Variants in KDM4B observed in about 807,000 individuals in gnomAD.
KDM4B encodes lysine-specific demethylase 4B.
In KDM4B, 32 loss-of-function variants were observed where a neutral mutation model predicts 125.2. That is an observed-to-expected ratio of 0.26 (90% CI 0.19 to 0.34). KDM4B has a LOEUF of 0.34. Among genes scored for constraint, KDM4B ranks in the 10% least tolerant of loss-of-function variants. The pLI, the probability that KDM4B is intolerant of heterozygous loss-of-function variation, is 1.00. For missense variants in KDM4B, 1,190 were observed against 1,577.7 expected (o/e 0.75, Z 4.16); for synonymous variants, 721 against 677.9 (o/e 1.06, Z -0.99).
chr19:5,142,464 T>A lies in KDM4B; in HGVS notation c.2551-1503T>A, dbSNP rs993172232. Among the ~76,000 whole-genome samples the A allele has an allele frequency of 1.3e-5, 2 of 152,176 alleles. No individual in the cohort carries two copies. Among genetic ancestry groups the A allele is most frequent in the Admixed American group, 6.5e-5 (1 of 15,282 alleles). On this transcript the variant is annotated intron_variant, in intron 18 of 22. Coordinates refer to ENST00000159111, the MANE Select transcript of KDM4B (RefSeq NM_015015.3). This position sits in a 1 kb window ranked among gnomAD's most constrained non-coding sequence, Gnocchi z 5.4. ...TCCCATGGGTCCGGGGGCACGCTTT[T>A]CACAACGTGGAGATGCAGGGTCATG...
At chr19:5,131,679 G>T in intron 12 of KDM4B, 134 bp downstream of exon 12, 1 of 671,886 alleles carries the variant, frequency 1.5e-6, no homozygotes, top group African/African-American at 1.9e-5. Context: ...GCTGACTGCT[G>T]GTTTCACAGG....
intron 10 of KDM4B, chr19:5,119,367 G>A (rs374447688): frequency 1.8e-5 from 12 of 662,978 alleles, no homozygotes; most frequent in African/African-American, 3.6e-5. Context: ...GGTGTCAGTC[G>A]GCTTCCCATC....
chr19:4,992,060 C>G (rs2035047572), intron 1 of KDM4B, among the ~76,000 whole-genome samples: 1 of 152,104 alleles, frequency 6.6e-6, no homozygotes, highest in African/African-American at 2.4e-5. Flanking sequence ...AGATGGAGGA[C>G]AAGATCCAAG....
In KDM4B at chr19:5,082,533, C is replaced by G; in HGVS notation, c.918+29C>G. 1 of 1,555,082 alleles carries G rather than the reference C, an allele frequency of 6.4e-7. No individual in the cohort carries two copies. The highest frequency in any genetic ancestry group is 8.7e-7 in the Non-Finnish European group (1 of 1,153,434). On this transcript the variant is annotated intron_variant, in intron 9 of 22. Transcript: ENST00000159111. The surrounding 1 kb of genome is among the most constrained non-coding windows in gnomAD (Gnocchi z 5.4). ...AAAGCTTGCCTGCTGGGAACGGGTCCCAGCAGGGCGGGAGGAGGCTCTTTT... is the reference window on the plus strand; with the variant it reads ...AAAGCTTGCCTGCTGGGAACGGGTCGCAGCAGGGCGGGAGGAGGCTCTTTT...
intron 11 of KDM4B, among the ~76,000 whole-genome samples, chr19:5,122,369 A>T (rs887505458): frequency 6.6e-6 from 1 of 151,996 alleles, no homozygotes; most frequent in African/African-American, 2.4e-5. Flanking sequence ...ACTGAGTCCC[A>T]CCTGAATATT....
intron 1 of KDM4B, among the ~76,000 whole-genome samples, chr19:4,981,105 C>T (rs1369568891): frequency 3.3e-5 from 5 of 152,148 alleles, no homozygotes; most frequent in Admixed American, 2.6e-4. Context: ...CCTCTTCTCT[C>T]AGCCTGAGCT....
rs746564223 is a variant in KDM4B, at chr19:5,047,465, C to T, written c.433-11C>T. 6 of 1,590,508 alleles carry T rather than the reference C, an allele frequency of 3.8e-6. No homozygotes were observed. The African/African-American group carries it at 8.1e-5, about 21-fold the overall frequency. On this transcript the variant is annotated splice_polypyrimidine_tract_variant and intron_variant, in intron 5 of 22. Transcript: ENST00000159111. ...CCGGGCGGTTGCCGACGCTGCTCTG[C>T]CGCCCCACAGGACGTGGCCCAGTGG...
chr19:5,003,511 A>G (rs536426241), intron 1 of KDM4B, among the ~76,000 whole-genome samples: 1 of 151,236 alleles, frequency 6.6e-6, no homozygotes, highest in East Asian at 1.9e-4. Flanking sequence ...ACAAACAAAT[A>G]AATAAATCCC....
intron 6 of KDM4B, among the ~76,000 whole-genome samples, chr19:5,048,152 T>C (rs2037088956): frequency 6.6e-6 from 1 of 152,176 alleles, no homozygotes; most frequent in South Asian, 2.1e-4. Context: ...GGCGTGGCGC[T>C]GCAGGCCTGT....
intron 5 of KDM4B, among the ~76,000 whole-genome samples, chr19:5,044,925 G>A (rs2036976178): frequency 6.6e-6 from 1 of 152,150 alleles, no homozygotes; most frequent in South Asian, 2.1e-4. Context: ...CATGGCTTGA[G>A]AGCTCATTTC....
At chr19:4,998,619 A>G (rs2145416755) in intron 1 of KDM4B, among the ~76,000 whole-genome samples, 1 of 152,312 alleles carries the variant, frequency 6.6e-6, no homozygotes, top group East Asian at 1.9e-4. Context: ...TCACGCTGAT[A>G]AAATCAAATC....
chr19:5,097,798 G>A (rs1341737799), intron 9 of KDM4B, among the ~76,000 whole-genome samples: 1 of 152,232 alleles, frequency 6.6e-6, no homozygotes, highest in African/African-American at 2.4e-5. Flanking sequence ...AAGTCTATGA[G>A]TTCTGTCTCC....
Position 5,133,869 on chromosome 19 carries a change from C to A in KDM4B, c.1907-14C>A. 1 of 1,611,688 alleles carries A rather than the reference C, an allele frequency of 6.2e-7. No individual in the cohort carries two copies. Among genetic ancestry groups the A allele is most frequent in the Non-Finnish European group, 8.5e-7 (1 of 1,179,272 alleles). ...GCTCAAGTGTCTCTCTCCCTCTCCC[C>A]TCTGTTCTTCTAGAGGCATCCCCTT... On this transcript the variant is annotated splice_polypyrimidine_tract_variant and intron_variant, in intron 13 of 22. Coordinates refer to ENST00000159111, the MANE Select transcript of KDM4B (RefSeq NM_015015.3).
intron 1 of KDM4B, among the ~76,000 whole-genome samples, chr19:4,991,812 A>C (rs1432385468): frequency 6.6e-6 from 1 of 152,106 alleles, no homozygotes; most frequent in Non-Finnish European, 1.5e-5. Flanking sequence ...CATCTCTGTA[A>C]CCTTGCCCTT....
At position 5,146,751 on chromosome 19, in the gene KDM4B, ACC is replaced by A. The variant is rs775578381; in HGVS notation, c.3021+1862_3021+1863del. 4.5e-3 allele frequency among the ~76,000 whole-genome samples: 145 copies of A among 31,978 alleles called. 4 individuals are homozygous for A. The highest frequency in any genetic ancestry group is 0.014 in the Middle Eastern group (1 of 72). 21.0% of individuals were successfully genotyped at this position (31,978 alleles called of 152,430 possible). ...AGACCAGCCTGGGCAACAAAGTGAG[ACC>A]CCCCCCCCCCCCACAATCTCTACAA... On this transcript the variant is annotated intron_variant, in intron 21 of 22. Coordinates refer to ENST00000159111, the MANE Select transcript of KDM4B (RefSeq NM_015015.3).
At chr19:5,104,967 G>A (rs975198951) in intron 9 of KDM4B, among the ~76,000 whole-genome samples, 9 of 152,222 alleles carry the variant, frequency 5.9e-5, no homozygotes, top group African/African-American at 1.2e-4. Context: ...CATGGGCTCC[G>A]GGAGTTTGGA....
At chr19:5,126,146 G>A (rs2039445593) in intron 11 of KDM4B, among the ~76,000 whole-genome samples, 1 of 152,186 alleles carries the variant, frequency 6.6e-6, no homozygotes, top group Non-Finnish European at 1.5e-5. Context: ...GCCAGAACCT[G>A]TTGCTCACAG....
At chr19:5,123,920 C>T (rs1023945184) in intron 11 of KDM4B, among the ~76,000 whole-genome samples, 6 of 148,386 alleles carry the variant, frequency 4.0e-5, no homozygotes, top group East Asian at 2.1e-4. Flanking sequence ...TGTGGGATGT[C>T]GCTGGAGGGA....
At chr19:5,092,661 G>C (rs1412306292) in intron 9 of KDM4B, among the ~76,000 whole-genome samples, 1 of 152,170 alleles carries the variant, frequency 6.6e-6, no homozygotes, top group Admixed American at 6.5e-5. Context: ...TCAGAGGAGC[G>C]GGTCTGCTTA....
Sources: allele counts gnomAD v4.1 joint callset (sites outside exome capture counted in the v4.1 genomes callset), GRCh38; gene constraint gnomAD v4.1.1; non-coding constraint Gnocchi (gnomAD v3.1); transcripts MANE v1.5; gene names NCBI Gene and HGNC (gene_info 2026-07-23, HGNC 2026-07-21).